FAM111A: variants seen among roughly 807,000 people sequenced by gnomAD.
The protein encoded by FAM111A is serine protease FAM111A.
In FAM111A, 8 loss-of-function variants were observed where a neutral mutation model predicts 3.3. The ratio of observed to expected loss-of-function variants is 2.39; its 90% CI spans 1.40 to 4.32. The LOEUF is 4.32. Ranked by LOEUF, FAM111A falls within the 30% of genes most tolerant of loss-of-function variation. The pLI is 0.00. For missense variants in FAM111A, 683 were observed against 727.6 expected (o/e 0.94, Z 0.71); for synonymous variants, 227 against 243.1 (o/e 0.93, Z 0.62).
chr11:59,146,080 C>CAGAG (rs146274712), intron 4 of FAM111A, among the ~76,000 whole-genome samples: 2 of 145,970 alleles, frequency 1.4e-5, no homozygotes, highest in South Asian at 2.2e-4. Context: ...GTGTGTGTGA[C>CAGAG]AGAGAGAGAG....
chr11:59,153,132 C>T lies in FAM111A; in HGVS notation c.1464C>T (p.Ile488=). The T allele has an allele frequency of 6.2e-7, 1 of 1,614,142 alleles. No individual in the cohort carries two copies. The highest frequency in any genetic ancestry group is 8.5e-7 in the Non-Finnish European group (1 of 1,180,024). ...EKKQIDACAV[I]PQGQRAKKCQ... ...AGCAGATTGATGCTTGTGCTGTGAT[C>T]CCTCAGGGTCAGCGAGCAAAGAAAT... The change falls in exon 6 of 6, where the codon ATC becomes ATT. Residue 488 remains isoleucine, a synonymous_variant. Coordinates refer to ENST00000675163, the MANE Select transcript of FAM111A (RefSeq NM_001312909.2).
intron 4 of FAM111A, among the ~76,000 whole-genome samples, chr11:59,146,782 C>T (rs1034132581): frequency 6.6e-6 from 1 of 152,140 alleles, no homozygotes; most frequent in African/African-American, 2.4e-5. Context: ...GGAAACAACC[C>T]AGGAGGTGAA....
At position 59,154,097 on chromosome 11, in the gene FAM111A, T is replaced by C. The variant is rs1272160673; in HGVS notation, c.*593T>C. The C allele has an allele frequency of 6.6e-6, 1 of 152,154 alleles. No homozygotes were observed. Among genetic ancestry groups the C allele is most frequent in the Non-Finnish European group, 1.5e-5 (1 of 68,046 alleles). The allele number at this position is 152,154 out of a possible 1,614,324, so 9.4% of individuals were successfully genotyped here. ...TTTCATGACACTAAAAGTCATATAG[T>C]CATAGGGTTTTTTCATCTTTCATAT... On this transcript the variant is annotated 3_prime_UTR_variant, in exon 6 of 6. Transcript: ENST00000675163.
At position 59,152,283 on chromosome 11, in the gene FAM111A, CA is replaced by C. The variant is rs767705414; in HGVS notation, c.620del (p.Lys207ArgfsTer44). The C allele has an allele frequency of 6.2e-7, 1 of 1,613,956 alleles. No homozygotes were observed. Among genetic ancestry groups the C allele is most frequent in the African/African-American group, 1.3e-5 (1 of 74,892 alleles). Reference protein sequence around the residue: ...RRIVKCGKLHKKGRKLCVYAF... With the variant: ...RRIVKCGKLHXKGRKLCVYAF... The stretch of plus-strand genomic sequence containing the variant: ...GGATTGTTAAATGTGGGAAGCTTCA[CA>C]AAAAGGGGCGCAAACTCTGTGTTTA... On this transcript the variant is annotated frameshift_variant, in exon 6 of 6. Transcript: ENST00000675163. LOFTEE classifies it low-confidence loss of function (END_TRUNC).
chr11:59,151,759 G>A lies in FAM111A; in HGVS notation c.91G>A (p.Glu31Lys). ...IEHYFSPVSK[E>K]QQNNCSTSLM... Reference sequence around the variant, plus strand: ...TAACATTTATTTTTAGGTCTCTAAAGAGCAACAGAATAATTGCAGTACTTC... The same window carrying A: ...TAACATTTATTTTTAGGTCTCTAAAAAGCAACAGAATAATTGCAGTACTTC... Residue 31 changes from glutamate to lysine, a missense_variant, in exon 6 of 6, where the codon GAG (glutamate) becomes AAG (lysine). Transcript: ENST00000675163. 1 of 1,582,140 alleles carries A rather than the reference G, an allele frequency of 6.3e-7. No individual in the cohort carries two copies. The highest frequency in any genetic ancestry group is 8.5e-7 in the Non-Finnish European group (1 of 1,170,226).
rs752213332 is a variant in FAM111A at position 59,152,174 on chromosome 11, A to G, written c.506A>G (p.His169Arg). The G allele has an allele frequency of 3.1e-6, 5 of 1,614,184 alleles. No homozygotes were observed. Among genetic ancestry groups the G allele is most frequent in the East Asian group, 4.5e-5 (2 of 44,884 alleles). The change falls in exon 6 of 6, where the codon CAC (histidine) becomes CGC (arginine). Residue 169 changes from histidine (H) to arginine (R), a missense_variant. Around this residue, in one of 3 missense-constraint regions of FAM111A, gnomAD observed 557 missense variants for 600.2 expected, o/e 0.93. Coordinates refer to ENST00000675163, the MANE Select transcript of FAM111A (RefSeq NM_001312909.2). The part of the protein sequence containing the change: ...QSKSKQKEDN[H>R]IFGRQDKAST... ...AAAAGTAAGCAGAAGGAAGATAACC[A>G]CATATTTGGCAGGCAGGACAAAGCA...
Position 59,151,987 on chromosome 11 carries a change from G to T in FAM111A, c.319G>T (p.Ala107Ser). The change falls in exon 6 of 6, where the codon GCT (alanine) becomes TCT (serine). Residue 107 changes from alanine (A) to serine (S), a missense_variant. By Grantham distance (99) the Ala-to-Ser change is moderately conservative. Coordinates refer to ENST00000675163, the MANE Select transcript of FAM111A (RefSeq NM_001312909.2). ...THSENSSLYM[A>S]LNTLQAVRKE... is the part of the protein sequence containing the mutation. ...TAGTGAGAATAGTAGCTTATATATG[G>T]CTCTCAACACTCTCCAGGCTGTCAG... 2 of 1,614,132 alleles carry T rather than the reference G, an allele frequency of 1.2e-6. No homozygotes were observed. The highest frequency in any genetic ancestry group is 1.1e-5 in the South Asian group (1 of 91,086).
chr11:59,153,644 C>T lies in FAM111A; in HGVS notation c.*140C>T. On this transcript the variant is annotated 3_prime_UTR_variant, in exon 6 of 6. Transcript: ENST00000675163. ...CATTTCCTATCTGCCAGGCATTTTT[C>T]TAAGCACATGAAGAAATTAGTCCTA... 1.5e-6 allele frequency: 1 copy of T among 663,246 alleles called. No individual in the cohort carries two copies. The highest frequency in any genetic ancestry group is 2.5e-6 in the Non-Finnish European group (1 of 401,932). The allele number at this position is 663,246 out of a possible 1,614,324, so 41.1% of individuals were successfully genotyped here.
intron 4 of FAM111A, among the ~76,000 whole-genome samples, chr11:59,147,295 G>A (rs1225722839): frequency 6.6e-6 from 1 of 152,168 alleles, no homozygotes; most frequent in African/African-American, 2.4e-5. Flanking sequence ...ATCCAAGAAG[G>A]TTGGGAATGT....
In FAM111A at chr11:59,153,144, G is replaced by C; in HGVS notation, c.1476G>C (p.Gln492His). The change falls in exon 6 of 6, where the codon CAG becomes CAC. Residue 492 changes from glutamine (Q) to histidine (H), a missense_variant. Physicochemically the swap from Gln to His is conservative, Grantham distance 24 (BLOSUM62 0). Transcript: ENST00000675163. ...IDACAVIPQGQRAKKCQERVQ... is the reference protein window; with the variant it reads ...IDACAVIPQGHRAKKCQERVQ... ...CTTGTGCTGTGATCCCTCAGGGTCA[G>C]CGAGCAAAGAAATGTCAGGAACGTG... 1 of 1,614,192 alleles carries C rather than the reference G, an allele frequency of 6.2e-7. No homozygotes were observed. The highest frequency in any genetic ancestry group is 8.5e-7 in the Non-Finnish European group (1 of 1,180,034).
At chr11:59,149,198 T>C in intron 5 of FAM111A, 1 of 375,470 alleles carries the variant, frequency 2.7e-6, no homozygotes, top group Non-Finnish European at 4.8e-6. Flanking sequence ...GCTTAGGGAA[T>C]AATGACAAGA....
rs1353462089 is a variant in FAM111A, at chr11:59,153,286, G to C, written c.1618G>C (p.Ala540Pro). 3.7e-6 allele frequency: 6 copies of C among 1,613,972 alleles called. No individual in the cohort carries two copies. The Admixed American group carries it at 1.0e-4, about 27-fold the overall frequency. ...CTATGACACTGAATTTTTCTTTGGG[G>C]CTTCCGGCTCCCCTGTGTTTGATTC... is the stretch of plus-strand genomic sequence containing the variant. Reference protein sequence around the residue: ...ITYDTEFFFGASGSPVFDSKG... With the variant: ...ITYDTEFFFGPSGSPVFDSKG... The change falls in exon 6 of 6, where the codon GCT (alanine) becomes CCT (proline). Residue 540 changes from alanine (A) to proline (P), a missense_variant. Around this residue, in one of 3 missense-constraint regions of FAM111A, gnomAD observed 122 missense variants for 110.9 expected, o/e 1.10. Coordinates refer to ENST00000675163, the MANE Select transcript of FAM111A (RefSeq NM_001312909.2).
In FAM111A at chr11:59,148,104, T is replaced by A. The variant is rs566127731; in HGVS notation, c.-76-693T>A. 1.6e-4 allele frequency: 24 copies of A among 152,342 alleles called. No individual in the cohort carries two copies. The South Asian group carries it at 3.7e-3, about 24-fold the overall frequency. 9.4% of individuals were successfully genotyped at this position (152,342 alleles called of 1,614,324 possible). ...CTGCTGCCCTCAATGGTATTTATCT[T>A]TCTAGCGGTATTTATTACTATTGAA... On this transcript the variant is annotated intron_variant, in intron 4 of 5. Coordinates refer to ENST00000675163, the MANE Select transcript of FAM111A (RefSeq NM_001312909.2).
intron 4 of FAM111A, among the ~76,000 whole-genome samples, chr11:59,146,518 GTT>G (rs1333334867): frequency 2.2e-4 from 34 of 152,198 alleles, no homozygotes; most frequent in African/African-American, 8.2e-4. Flanking sequence ...AACTCAGACA[GTT>G]TTATAAGTTC....
Position 59,152,117 on chromosome 11 carries a change from G to A in FAM111A, c.449G>A (p.Gly150Asp), listed in dbSNP as rs769624575. Reference sequence around the variant, plus strand: ...ATGCCCCTCAGTTGTTTCCCTGAAGGTGGCCAGGTGGTCATTACATTTTCC... The same window carrying A: ...ATGCCCCTCAGTTGTTTCCCTGAAGATGGCCAGGTGGTCATTACATTTTCC... ...LGMPLSCFPE[G>D]GQVVITFSQS... The change falls in exon 6 of 6, where the codon GGT becomes GAT. Residue 150 changes from glycine (G) to aspartate (D), a missense_variant. Coordinates refer to ENST00000675163, the MANE Select transcript of FAM111A (RefSeq NM_001312909.2). 26 of 1,614,154 alleles carry A rather than the reference G, an allele frequency of 1.6e-5. 1 individual carries two copies. The highest frequency in any genetic ancestry group is 1.6e-4 in the Middle Eastern group (1 of 6,062).
rs1479547252 is a variant in FAM111A at position 59,142,959 on chromosome 11, G to A, written c.-528+13G>A. On this transcript the variant is annotated intron_variant, in intron 1 of 5. Coordinates refer to ENST00000675163, the MANE Select transcript of FAM111A (RefSeq NM_001312909.2). ...AGAATAGAAGCAGGCAAGGACCGCC[G>A]TGGGCACGGGGTCAGTGAGACAGGG... 1.3e-5 allele frequency: 2 copies of A among 152,216 alleles called. No homozygotes were observed. Among genetic ancestry groups the A allele is most frequent in the African/African-American group, 4.8e-5 (2 of 41,428 alleles). 9.4% of individuals were successfully genotyped at this position (152,216 alleles called of 1,614,324 possible). A position where few individuals can be genotyped will look rare whatever the true frequency, so the allele number is the denominator to read the frequency against.
chr11:59,144,747 A>G (rs796650942), intron 3 of FAM111A: 1 of 152,268 alleles, frequency 6.6e-6, no homozygotes, highest in South Asian at 2.1e-4. Context: ...TTCGCAGACA[A>G]CCTTTTCCCA....
chr11:59,147,078 A>T (rs1861021897), intron 4 of FAM111A, among the ~76,000 whole-genome samples: 1 of 152,206 alleles, frequency 6.6e-6, no homozygotes, highest in South Asian at 2.1e-4. Flanking sequence ...CACACCTCAA[A>T]GCCAAACATG....
chr11:59,150,338 G>A (rs1861491162), intron 5 of FAM111A, among the ~76,000 whole-genome samples: 1 of 152,106 alleles, frequency 6.6e-6, no homozygotes, highest in Non-Finnish European at 1.5e-5. Context: ...TATAAAGAAG[G>A]AAAACAAATG....
Sources: gnomAD v4.1 joint callset for allele counts (sites outside exome capture counted in the v4.1 genomes callset) on GRCh38, gnomAD v4.1.1 for gene constraint, gnomAD v4.1.1 regional missense constraint, MANE v1.5 for transcripts, NCBI Gene and HGNC (gene_info 2026-07-23, HGNC 2026-07-21) for gene names.